The following TOGARAM1 variants were observed in gnomAD, a reference collection of about 807,000 sequenced individuals.
The protein encoded by TOGARAM1 is TOG array regulator of axonemal microtubules protein 1.
TOGARAM1 carries 100 observed loss-of-function variants against 166.6 expected under a neutral mutation model. The observed-to-expected ratio is 0.60, with a 90% CI of 0.51 to 0.71. The LOEUF (loss-of-function observed/expected upper bound fraction) is 0.71, where lower values mean the gene tolerates loss of function less well. Among genes scored for constraint, TOGARAM1 ranks in the 30% least tolerant of loss-of-function variants. The probability of loss-of-function intolerance (pLI) is 0.00; values close to 1 mark genes in which losing one functional copy is unlikely to be tolerated. For missense variants in TOGARAM1, 2,029 were observed against 2,102.7 expected (o/e 0.96, Z 0.69); for synonymous variants, 758 against 763.8 (o/e 0.99, Z 0.13).
At chr14:44,971,351 A>G (rs918184010) in intron 1 of TOGARAM1, among the ~76,000 whole-genome samples, 1 of 152,138 alleles carries the variant, frequency 6.6e-6, no homozygotes, top group African/African-American at 2.4e-5. Context: ...AGAGTTGTTA[A>G]TAGTATTCCT....
intron 1 of TOGARAM1, among the ~76,000 whole-genome samples, chr14:44,974,495 A>C (rs981743032): frequency 1.3e-5 from 2 of 152,078 alleles, no homozygotes; most frequent in African/African-American, 4.8e-5. Flanking sequence ...GCCATATCCA[A>C]TTCTAGTTAT....
intron 11 of TOGARAM1, among the ~76,000 whole-genome samples, chr14:45,033,455 G>A (rs904893463): frequency 6.6e-6 from 1 of 151,888 alleles, no homozygotes; most frequent in Admixed American, 6.6e-5. Flanking sequence ...GCCTTAAAAC[G>A]GTATCTAAAC....
chr14:45,040,111 T>C (rs1222985401), intron 11 of TOGARAM1, among the ~76,000 whole-genome samples: 2 of 152,254 alleles, frequency 1.3e-5, no homozygotes, highest in African/African-American at 4.8e-5. Flanking sequence ...ATTTTATAAA[T>C]TTTGTTCTCT....
Position 45,025,775 on chromosome 14 carries a change from A to T in TOGARAM1, c.3239-8A>T, listed in dbSNP as rs758739594. 1.1e-5 allele frequency: 18 copies of T among 1,566,364 alleles called. No individual in the cohort carries two copies. Among genetic ancestry groups the T allele is most frequent in the South Asian group, 2.2e-5 (2 of 89,004 alleles). On this transcript the variant is annotated splice_region_variant and splice_polypyrimidine_tract_variant and intron_variant, in intron 7 of 19. Transcript: ENST00000361462. ...AAGTATTTGTTTTGTTTTTTGGGGG[A>T]TTTACAGGGTCATCATCAAATCCAC...
chr14:45,068,558 A>T lies in TOGARAM1; in HGVS notation c.4884A>T (p.Ala1628=), dbSNP rs759640613. The T allele has an allele frequency of 6.2e-7, 1 of 1,613,484 alleles. No homozygotes were observed. The highest frequency in any genetic ancestry group is 1.3e-5 in the African/African-American group (1 of 74,912). ...LSPIINMLIP[A]IVDNNLNSKN... ...CTATAATCAACATGCTAATTCCAGC[A>T]ATAGTGGATAACAATCTGAATTCCA... The change falls in exon 18 of 20, where the codon GCA becomes GCT. Residue 1628 remains alanine, a synonymous_variant. Coordinates refer to ENST00000361462, the MANE Select transcript of TOGARAM1 (RefSeq NM_001308120.2).
intron 1 of TOGARAM1, among the ~76,000 whole-genome samples, chr14:44,972,294 C>T (rs975425220): frequency 6.6e-6 from 1 of 150,938 alleles, no homozygotes; most frequent in Admixed American, 6.6e-5. Flanking sequence ...TGCGATAGAA[C>T]GTGGTATTTC....
chr14:44,999,973 CCTT>C (rs1279011287), intron 3 of TOGARAM1, among the ~76,000 whole-genome samples: 9 of 151,970 alleles, frequency 5.9e-5, no homozygotes, highest in South Asian at 2.1e-4. Context: ...AGATCTTACT[CCTT>C]CTTATTTTAT....
chr14:44,962,661 C>G lies in TOGARAM1; in HGVS notation c.240C>G (p.Ser80Arg). 1 of 1,614,174 alleles carries G rather than the reference C, an allele frequency of 6.2e-7. No homozygotes were observed. The highest frequency in any genetic ancestry group is 8.5e-7 in the Non-Finnish European group (1 of 1,180,020). Residue 80 changes from serine to arginine, a missense_variant, in exon 1 of 20, where the codon AGC becomes AGG. Coordinates refer to ENST00000361462, the MANE Select transcript of TOGARAM1 (RefSeq NM_001308120.2). ...TGATGCCCTCGGAGGCAGTCTCAAG[C>G]AGCTGGTCTGAGTCTGGAGGCGGTT... ...ALLMPSEAVSSSWSESGGGLS... is the reference protein window; with the variant it reads ...ALLMPSEAVSRSWSESGGGLS...
chr14:45,060,804 ACC>A (rs1882870596), intron 16 of TOGARAM1, among the ~76,000 whole-genome samples: 1 of 152,224 alleles, frequency 6.6e-6, no homozygotes, highest in Non-Finnish European at 1.5e-5. Context: ...GTGATGTTGT[ACC>A]CTTCTCACTG....
At chr14:45,061,371 A>G (rs892742189) in intron 16 of TOGARAM1, among the ~76,000 whole-genome samples, 7 of 152,166 alleles carry the variant, frequency 4.6e-5, no homozygotes, top group Admixed American at 6.5e-5. Flanking sequence ...ATCTGTATGC[A>G]TCTAATTTAT....
intron 1 of TOGARAM1, among the ~76,000 whole-genome samples, chr14:44,974,993 T>C (rs1886101386): frequency 6.6e-6 from 1 of 152,166 alleles, no homozygotes; most frequent in Non-Finnish European, 1.5e-5. Flanking sequence ...AATTACACTT[T>C]TGATGAGTGT....
At chr14:45,004,507 ATAG>A in intron 4 of TOGARAM1, 141 bp downstream of exon 4, 1 of 647,802 alleles carries the variant, frequency 1.5e-6, no homozygotes, top group African/African-American at 1.8e-5. Flanking sequence ...AAAATATTTA[ATAG>A]TGTGTTAAAT....
chr14:44,994,993 A>G (rs1887345690), intron 1 of TOGARAM1, among the ~76,000 whole-genome samples: 1 of 152,160 alleles, frequency 6.6e-6, no homozygotes, highest in African/African-American at 2.4e-5. Context: ...CAGTTTTTTT[A>G]AAGTTTTATA....
At chr14:45,028,592 G>C (rs1260204494) in intron 10 of TOGARAM1, among the ~76,000 whole-genome samples, 1 of 152,082 alleles carries the variant, frequency 6.6e-6, no homozygotes, top group Non-Finnish European at 1.5e-5. Context: ...GTTTTACTGA[G>C]GAGTGGTATC....
intron 14 of TOGARAM1, 61 bp from the exon 15 acceptor site, chr14:45,052,375 G>A (rs1040173560): frequency 6.9e-7 from 1 of 1,450,946 alleles, no homozygotes; most frequent in African/African-American, 1.4e-5. Context: ...TGCATCTAAG[G>A]TCAGCAACTG....
At chr14:45,063,479 GTTTTTT>G (rs373702236) in intron 16 of TOGARAM1, among the ~76,000 whole-genome samples, 12 of 118,688 alleles carry the variant, frequency 1.0e-4, no homozygotes, top group South Asian at 2.6e-4. Context: ...ATTTGACAAA[GTTTTTT>G]TTTTTTTTTT....
intron 7 of TOGARAM1, among the ~76,000 whole-genome samples, chr14:45,013,637 G>C (rs1879943049): frequency 6.6e-6 from 1 of 152,136 alleles, no homozygotes; most frequent in African/African-American, 2.4e-5. Flanking sequence ...CCTTGAGAAG[G>C]GTAGTGAAAA....
intron 16 of TOGARAM1, among the ~76,000 whole-genome samples, chr14:45,057,327 G>T (rs952916244): frequency 6.6e-6 from 1 of 152,058 alleles, no homozygotes; most frequent in Admixed American, 6.6e-5. Flanking sequence ...TCTGATCTTT[G>T]TTACTTATTT....
rs775208656 is a variant in TOGARAM1, at chr14:45,052,904, T to C, written c.4440+342T>C. On this transcript the variant is annotated intron_variant, in intron 15 of 19. Coordinates refer to ENST00000361462, the MANE Select transcript of TOGARAM1 (RefSeq NM_001308120.2). ...ATTTCTCTAACTAGAATTCTCACTTTATAAAATGAGGATAATAATGTTTAC... is the reference window on the plus strand; with the variant it reads ...ATTTCTCTAACTAGAATTCTCACTTCATAAAATGAGGATAATAATGTTTAC... Among the ~76,000 whole-genome samples the C allele has an allele frequency of 4.6e-5, 7 of 152,324 alleles. No homozygotes were observed. In the South Asian group the frequency reaches 6.2e-4, roughly 14 times the overall value.
Sources: gnomAD v4.1 joint callset for allele counts (sites outside exome capture counted in the v4.1 genomes callset) on GRCh38, gnomAD v4.1.1 for gene constraint, MANE v1.5 for transcripts, NCBI Gene and HGNC (gene_info 2026-07-23, HGNC 2026-07-21) for gene names.